BATF2: variants seen among roughly 807,000 people sequenced by gnomAD.
BATF2 encodes basic leucine zipper transcriptional factor ATF-like 2.
In BATF2, 4 loss-of-function variants were observed where a neutral mutation model predicts 7.3. The observed-to-expected ratio is 0.55, with a 90% CI of 0.27 to 1.26. BATF2 has a LOEUF of 1.26. Ranked by LOEUF, BATF2 falls within the 50% of genes most tolerant of loss-of-function variation. The pLI, the probability that BATF2 is intolerant of heterozygous loss-of-function variation, is 0.11. For synonymous variants in BATF2, 152 were observed against 153.9 expected, an observed-to-expected ratio of 0.99 and a Z score of 0.09; for missense variants, 295 against 340.5, an observed-to-expected ratio of 0.87 and a Z score of 1.05.
intron 2 of BATF2, chr11:64,990,415 T>C (rs1946066880): frequency 7.3e-7 from 1 of 1,371,926 alleles, no homozygotes; most frequent in Admixed American, 3.0e-5. Flanking sequence ...TGTCATTCTG[T>C]CCTAGATTGC....
intron 2 of BATF2, among the ~76,000 whole-genome samples, chr11:64,993,706 T>G (rs1946092335): frequency 2.0e-5 from 3 of 152,162 alleles, no homozygotes; most frequent in Non-Finnish European, 4.4e-5. Flanking sequence ...ACCTCCTGAA[T>G]TCTGACCCCC....
intron 2 of BATF2, among the ~76,000 whole-genome samples, chr11:64,993,315 C>T (rs10897541): frequency 0.14 from 20,538 of 152,106 alleles, 2,149 homozygotes; most frequent in Admixed American, 0.3. Context: ...AGCCAAGTGG[C>T]GCCACTGCAC....
rs779757104 is a variant in BATF2 at position 64,989,413 on chromosome 11, T to C, written c.541A>G (p.Thr181Ala). 5 of 1,595,318 alleles carry C rather than the reference T, an allele frequency of 3.1e-6. No homozygotes were observed. The South Asian group carries it at 3.4e-5, about 11-fold the overall frequency. Residue 181 changes from threonine (T) to alanine (A), a missense_variant, in exon 3 of 3, where the codon ACT becomes GCT. By Grantham distance (58) the Thr-to-Ala change is moderately conservative. Coordinates refer to ENST00000301887, the MANE Select transcript of BATF2 (RefSeq NM_138456.4). The surrounding 1 kb of genome is among the most constrained non-coding windows in gnomAD (Gnocchi z 4.3). The stretch of plus-strand genomic sequence containing the variant: ...GAAGACCCCTGCAGGCTGGAACCAG[T>C]GTGCGAGGCAAACAGGAGAGGGCTG... ...SPSPLLFASH[T>A]GSSLQGSSSK... is the part of the protein sequence containing the mutation.
At chr11:64,990,157 A>T in intron 2 of BATF2, 2 of 1,535,700 alleles carry the variant, frequency 1.3e-6, no homozygotes, top group Non-Finnish European at 1.7e-6. Context: ...CAACCATGTC[A>T]TTAATTGCAG....
chr11:64,989,050 T>C lies in BATF2; in HGVS notation c.*79A>G, dbSNP rs774625472. On this transcript the variant is annotated 3_prime_UTR_variant, in exon 3 of 3. Coordinates refer to ENST00000301887, the MANE Select transcript of BATF2 (RefSeq NM_138456.4). The surrounding 1 kb of genome is among the most constrained non-coding windows in gnomAD (Gnocchi z 4.3). ...GTCAGCCACGCAGGGCAGCACCCAG[T>C]AGTGAGGGAGGAGAGGCCCGTGTGC... 79 of 1,496,908 alleles carry C rather than the reference T, an allele frequency of 5.3e-5. No individual in the cohort carries two copies. The highest frequency in any genetic ancestry group is 7.1e-5 in the Non-Finnish European group (76 of 1,075,222). The allele number at this position is 1,496,908 out of a possible 1,614,324, so 92.7% of individuals were successfully genotyped here.
chr11:64,990,163 T>A, intron 2 of BATF2: 1 of 1,535,734 alleles, frequency 6.5e-7, no homozygotes, highest in Non-Finnish European at 8.7e-7. Context: ...TGTCATTAAT[T>A]GCAGGTTAAA....
rs1010869663 is a variant in BATF2 at position 64,989,234 on chromosome 11, G to A, written c.720C>T (p.His240=). 5 of 1,613,764 alleles carry A rather than the reference G, an allele frequency of 3.1e-6. No homozygotes were observed. The highest frequency in any genetic ancestry group is 4.2e-6 in the Non-Finnish European group (5 of 1,179,882). ...LGLARLQSRE[H]KPALSAATWQ... ...AAGTGGCTGCTGAGAGAGCAGGTTTGTGCTCCCTGCTCTGCAGACGTGCAA... is the reference window on the plus strand; with the variant it reads ...AAGTGGCTGCTGAGAGAGCAGGTTTATGCTCCCTGCTCTGCAGACGTGCAA... Residue 240 remains histidine, a synonymous_variant, in exon 3 of 3, where the codon CAC becomes CAT. Coordinates refer to ENST00000301887, the MANE Select transcript of BATF2 (RefSeq NM_138456.4). This position sits in a 1 kb window ranked among gnomAD's most constrained non-coding sequence, Gnocchi z 4.3.
chr11:64,991,081 C>T (rs1467210585), intron 2 of BATF2, among the ~76,000 whole-genome samples: 5 of 146,288 alleles, frequency 3.4e-5, no homozygotes, highest in African/African-American at 5.0e-5. Context: ...TGAGCCACCG[C>T]GCCCGGCCCT....
In BATF2 at chr11:64,989,254, G is replaced by A. The variant is rs200543774; in HGVS notation, c.700C>T (p.Arg234Cys). ...GGTTTGTGCTCCCTGCTCTGCAGAC[G>A]TGCAAGCCCCAGGGCAGAGGAAGGG... ...DNPSSALGLA[R>C]LQSREHKPAL... is the part of the protein sequence containing the mutation. The change falls in exon 3 of 3, where the codon CGT (arginine) becomes TGT (cysteine). Residue 234 changes from arginine (R) to cysteine (C), a missense_variant. Transcript: ENST00000301887. This position sits in a 1 kb window ranked among gnomAD's most constrained non-coding sequence, Gnocchi z 4.3. The A allele has an allele frequency of 5.0e-4, 811 of 1,612,332 alleles. 6 individuals are homozygous for A. The South Asian group carries it at 8.1e-3, about 16-fold the overall frequency.
intron 2 of BATF2, among the ~76,000 whole-genome samples, chr11:64,991,996 T>C (rs1730562286): frequency 6.6e-6 from 1 of 152,172 alleles, no homozygotes; most frequent in African/African-American, 2.4e-5. Flanking sequence ...AACGCCCATT[T>C]GTCCTTAAGC....
intron 2 of BATF2, among the ~76,000 whole-genome samples, chr11:64,992,438 A>G (rs674981): frequency 0.46 from 69,267 of 151,902 alleles, 18,581 homozygotes; most frequent in Non-Finnish European, 0.62. Context: ...TCCAAAATTT[A>G]TGTGTTGAAG....
At chr11:64,996,849 C>T in intron 1 of BATF2, 27 bp downstream of exon 1, 2 of 1,612,164 alleles carry the variant, frequency 1.2e-6, no homozygotes, top group African/African-American at 1.3e-5. Context: ...CCCTTCTCAT[C>T]CCCGATCCCC....
intron 1 of BATF2, among the ~76,000 whole-genome samples, chr11:64,996,043 CG>C (rs1946107454): frequency 6.6e-6 from 1 of 152,074 alleles, no homozygotes; most frequent in African/African-American, 2.4e-5. Flanking sequence ...CTGCGACCTC[CG>C]CCTCCCAGGT....
intron 1 of BATF2, 31 bp downstream of exon 1, chr11:64,996,845 T>C (rs1275831650): frequency 1.2e-6 from 2 of 1,611,958 alleles, no homozygotes; most frequent in Admixed American, 1.7e-5. Flanking sequence ...GCTCCCCTTC[T>C]CATCCCCGAT....
At chr11:64,994,988 ACAGG>A (rs1388233380) in intron 1 of BATF2, among the ~76,000 whole-genome samples, 3 of 152,132 alleles carry the variant, frequency 2.0e-5, no homozygotes, top group Non-Finnish European at 4.4e-5. Flanking sequence ...AGCTGGGACT[ACAGG>A]CACCTGCCAC....
Position 64,989,549 on chromosome 11 carries a change from C to A in BATF2, c.405G>T (p.Pro135=), listed in dbSNP as rs1177340345. ...QTPGSCYPAQ[P]LSPGPQPHDS... ...CATGAGGCTGTGGACCTGGAGAGAG[C>A]GGCTGAGCTGGGTAACAGGAACCCG... Residue 135 remains proline, a synonymous_variant, in exon 3 of 3, where the codon CCG becomes CCT. Transcript: ENST00000301887. The surrounding 1 kb of genome is among the most constrained non-coding windows in gnomAD (Gnocchi z 4.3). 2 of 1,587,858 alleles carry A rather than the reference C, an allele frequency of 1.3e-6. No homozygotes were observed. The highest frequency in any genetic ancestry group is 4.6e-5 in the East Asian group (2 of 43,422).
At chr11:64,991,059 G>A (rs1293684015) in intron 2 of BATF2, among the ~76,000 whole-genome samples, 2 of 151,620 alleles carry the variant, frequency 1.3e-5, no homozygotes, top group Non-Finnish European at 2.9e-5. Context: ...CAAAGTTCTG[G>A]GATTACAGGC....
rs775658717 is a variant in BATF2 at position 64,989,626 on chromosome 11, C to A, written c.328G>T (p.Gly110Cys). The change falls in exon 3 of 3, where the codon GGC (glycine) becomes TGC (cysteine). Residue 110 changes from glycine to cysteine, a missense_variant. Physicochemically the swap from Gly to Cys is radical, Grantham distance 159 (BLOSUM62 -3). Transcript: ENST00000301887. The surrounding 1 kb of genome is among the most constrained non-coding windows in gnomAD (Gnocchi z 4.3). The part of the protein sequence containing the change: ...WDQAEGLLGP[G>C]PQGQHGCREQ... ...CGGCAGCCATGTTGTCCCTGTGGGC[C>A]AGGGCCCAGGAGCCCCTCAGCCTGG... 1.1e-5 allele frequency: 18 copies of A among 1,611,260 alleles called. No homozygotes were observed. The highest frequency in any genetic ancestry group is 1.5e-5 in the Non-Finnish European group (18 of 1,179,050).
At chr11:64,994,730 C>T (rs1019743353) in intron 1 of BATF2, among the ~76,000 whole-genome samples, 181 bp from the exon 2 acceptor site, 6 of 152,226 alleles carry the variant, frequency 3.9e-5, no homozygotes, top group African/African-American at 7.2e-5. Context: ...CTTGTTGGAA[C>T]GCCAGCCTCA....
Sources: gnomAD v4.1 joint callset for allele counts (sites outside exome capture counted in the v4.1 genomes callset) on GRCh38, gnomAD v4.1.1 for gene constraint, Gnocchi (gnomAD v3.1) non-coding constraint, MANE v1.5 for transcripts, NCBI Gene and HGNC (gene_info 2026-07-23, HGNC 2026-07-21) for gene names.